Variants in COL6A6 observed in about 807,000 individuals in gnomAD.
The protein encoded by COL6A6 is collagen type VI alpha 6 chain.
COL6A6 carries 183 observed loss-of-function variants against 208.6 expected under a neutral mutation model. The ratio of observed to expected loss-of-function variants is 0.88; its 90% CI spans 0.78 to 0.99. COL6A6 has a LOEUF of 0.99. Among genes scored for constraint, COL6A6 ranks in the 50% least tolerant of loss-of-function variants. The probability of loss-of-function intolerance (pLI) is 0.00; values close to 1 mark genes in which losing one functional copy is unlikely to be tolerated. For missense variants in COL6A6, 2,816 were observed against 2,815.2 expected (o/e 1.00, Z -0.01); for synonymous variants, 973 against 1,011.8 (o/e 0.96, Z 0.73).
intron 1 of COL6A6, among the ~76,000 whole-genome samples, chr3:130,532,137 G>A (rs1399879630): frequency 6.6e-6 from 1 of 152,064 alleles, no homozygotes; most frequent in Non-Finnish European, 1.5e-5. Context: ...ATAACCTAAT[G>A]GGGCAGTTGA....
At chr3:130,518,420 TTACA>T (rs1710866646) in intron 1 of COL6A6, among the ~76,000 whole-genome samples, 1 of 152,250 alleles carries the variant, frequency 6.6e-6, no homozygotes, top group African/African-American at 2.4e-5. Flanking sequence ...AGGAAGTCAC[TTACA>T]TAAAAATCCT....
At chr3:130,540,341 ACAT>A (rs962435677) in intron 1 of COL6A6, among the ~76,000 whole-genome samples, 4 of 152,208 alleles carry the variant, frequency 2.6e-5, no homozygotes, top group Admixed American at 1.3e-4. Context: ...CTACGCTGGC[ACAT>A]CATCACCCAA....
At chr3:130,617,132 G>T (rs918523788) in intron 23 of COL6A6, among the ~76,000 whole-genome samples, 1 of 152,116 alleles carries the variant, frequency 6.6e-6, no homozygotes, top group African/African-American at 2.4e-5. Flanking sequence ...TCATCATTCT[G>T]TATAAGCTAA....
At chr3:130,608,488 CTAGA>C (rs1219106649) in intron 21 of COL6A6, among the ~76,000 whole-genome samples, 1 of 152,094 alleles carries the variant, frequency 6.6e-6, no homozygotes, top group East Asian at 1.9e-4. Flanking sequence ...CTTTTGTTCC[CTAGA>C]TATTTAATTG....
intron 18 of COL6A6, among the ~76,000 whole-genome samples, chr3:130,594,822 G>A (rs1289100998): frequency 2.0e-5 from 3 of 152,172 alleles, no homozygotes; most frequent in Non-Finnish European, 4.4e-5. Flanking sequence ...TGAAGAAAGA[G>A]CAAAAGGACG....
chr3:130,595,994 G>A (rs1399371599), intron 18 of COL6A6, among the ~76,000 whole-genome samples: 2 of 152,304 alleles, frequency 1.3e-5, no homozygotes, highest in African/African-American at 2.4e-5. Context: ...GTGCTGATAA[G>A]GATGTGGGAC....
chr3:130,518,404 T>C (rs1353129116), intron 1 of COL6A6, among the ~76,000 whole-genome samples: 1 of 152,256 alleles, frequency 6.6e-6, no homozygotes, highest in African/African-American at 2.4e-5. Context: ...TTCAGTGTCT[T>C]CATAGAGGAA....
intron 1 of COL6A6, among the ~76,000 whole-genome samples, chr3:130,530,126 G>A (rs2062048702): frequency 1.3e-5 from 2 of 152,138 alleles, no homozygotes; most frequent in South Asian, 2.1e-4. Context: ...AGGATCACAG[G>A]TTAGGGTATG....
intron 36 of COL6A6, among the ~76,000 whole-genome samples, chr3:130,668,306 A>T (rs1300694701): frequency 6.6e-6 from 1 of 151,970 alleles, no homozygotes; most frequent in Non-Finnish European, 1.5e-5. Flanking sequence ...GTGAAACCTC[A>T]TCTCTACTAA....
At chr3:130,611,103 T>C (rs951235335) in intron 23 of COL6A6, among the ~76,000 whole-genome samples, 1 of 151,554 alleles carries the variant, frequency 6.6e-6, no homozygotes, top group Non-Finnish European at 1.5e-5. Context: ...ACCTAGAACC[T>C]TCCCCAGGAC....
At position 130,563,373 on chromosome 3, in the gene COL6A6, A is replaced by C; in HGVS notation, c.370A>C (p.Asn124His). Residue 124 changes from asparagine to histidine, a missense_variant, in exon 3 of 37, where the codon AAT becomes CAT. Physicochemically the swap from Asn to His is moderately conservative, Grantham distance 68 (BLOSUM62 1). Coordinates refer to ENST00000358511, the MANE Select transcript of COL6A6 (RefSeq NM_001102608.3). The stretch of plus-strand genomic sequence containing the variant: ...CAGGACTTATTTCTCTGCACCCGCA[A>C]ATGGGAGAGACAAGAAACAGTTTCC... ...AHRTYFSAPANGRDKKQFPPI... is the reference protein window; with the variant it reads ...AHRTYFSAPAHGRDKKQFPPI... 1 of 1,614,020 alleles carries C rather than the reference A, an allele frequency of 6.2e-7. No homozygotes were observed. Among genetic ancestry groups the C allele is most frequent in the Non-Finnish European group, 8.5e-7 (1 of 1,179,888 alleles).
chr3:130,590,745 T>G (rs2063690166), intron 12 of COL6A6, among the ~76,000 whole-genome samples: 2 of 151,230 alleles, frequency 1.3e-5, no homozygotes, highest in South Asian at 4.2e-4. Context: ...TTTTTTATAT[T>G]TTTAGTAGAG....
chr3:130,522,273 C>T (rs1042159534), intron 1 of COL6A6, among the ~76,000 whole-genome samples: 2 of 152,106 alleles, frequency 1.3e-5, no homozygotes, highest in Non-Finnish European at 2.9e-5. Flanking sequence ...TAACTGGATC[C>T]TAAATTCTCA....
chr3:130,568,884 G>C (rs551902179), intron 6 of COL6A6, among the ~76,000 whole-genome samples: 1 of 152,314 alleles, frequency 6.6e-6, no homozygotes, highest in East Asian at 1.9e-4. Context: ...CCTAGAAGCA[G>C]AAGTTAAGTC....
chr3:130,530,660 T>G (rs2062059711), intron 1 of COL6A6, among the ~76,000 whole-genome samples: 1 of 152,216 alleles, frequency 6.6e-6, no homozygotes, highest in African/African-American at 2.4e-5. Context: ...GTTAGGGTGC[T>G]TAACCTTTGG....
In COL6A6 at chr3:130,568,147, G is replaced by A; in HGVS notation, c.1944G>A (p.Leu648=). The A allele has an allele frequency of 1.2e-6, 2 of 1,614,008 alleles. No individual in the cohort carries two copies. The highest frequency in any genetic ancestry group is 2.7e-5 in the African/African-American group (2 of 75,042). Reference sequence around the variant, plus strand: ...AAATGAAAACATTTATGAAAAACCTGGTGAGCAAGTCTCAGATTGGACCAG... The same window carrying A: ...AAATGAAAACATTTATGAAAAACCTAGTGAGCAAGTCTCAGATTGGACCAG... ...FSKMKTFMKN[L]VSKSQIGPDR... Residue 648 remains leucine (L), a synonymous_variant, in exon 6 of 37, where the codon CTG becomes CTA. Coordinates refer to ENST00000358511, the MANE Select transcript of COL6A6 (RefSeq NM_001102608.3).
intron 1 of COL6A6, among the ~76,000 whole-genome samples, chr3:130,529,563 A>G (rs2062036357): frequency 6.6e-6 from 1 of 152,168 alleles, no homozygotes; most frequent in Non-Finnish European, 1.5e-5. Context: ...TTCCAGATAC[A>G]TGCTGATCTC....
At chr3:130,545,148 A>AT (rs2062460769) in intron 1 of COL6A6, among the ~76,000 whole-genome samples, 1 of 152,118 alleles carries the variant, frequency 6.6e-6, no homozygotes, top group Non-Finnish European at 1.5e-5. Flanking sequence ...GAGTTTTATC[A>AT]TATCAGGTCT....
chr3:130,525,223 T>C (rs999117893), intron 1 of COL6A6, among the ~76,000 whole-genome samples: 2 of 151,704 alleles, frequency 1.3e-5, no homozygotes, highest in African/African-American at 4.9e-5. Flanking sequence ...AAATGTGTGC[T>C]TCAAAAGCCT....
Sources: gnomAD v4.1 joint callset for allele counts (sites outside exome capture counted in the v4.1 genomes callset) on GRCh38, gnomAD v4.1.1 for gene constraint, MANE v1.5 for transcripts, NCBI Gene and HGNC (gene_info 2026-07-23, HGNC 2026-07-21) for gene names.